TBC1D30: variants seen among roughly 807,000 people sequenced by gnomAD.
TBC1D30 encodes TBC1 domain family, member 30.
A neutral mutation model predicts 63.2 loss-of-function variants in TBC1D30; 31 were observed. That is an observed-to-expected ratio of 0.49 (90% CI 0.37 to 0.66). The LOEUF (loss-of-function observed/expected upper bound fraction) is 0.66. Ranked by LOEUF, TBC1D30 falls within the 30% of genes least tolerant of loss-of-function variation. The pLI is 0.00. For missense variants in TBC1D30, 810 were observed against 953.6 expected (o/e 0.85, Z 1.98); for synonymous variants, 307 against 361.5 (o/e 0.85, Z 1.71).
At chr12:64,810,292 C>T (rs1011598728) in intron 2 of TBC1D30, among the ~76,000 whole-genome samples, 1 of 152,124 alleles carries the variant, frequency 6.6e-6, no homozygotes, top group East Asian at 1.9e-4. Context: ...CTTACAGCAC[C>T]ATCTTTTTGC....
Position 64,878,621 on chromosome 12 carries a change from C to T in TBC1D30, c.*2833C>T. The T allele has an allele frequency of 2.2e-6, 1 of 446,710 alleles. No homozygotes were observed. Among genetic ancestry groups the T allele is most frequent in the Non-Finnish European group, 4.5e-6 (1 of 220,546 alleles). The allele number at this position is 446,710 out of a possible 1,614,324, so 27.7% of individuals were successfully genotyped here. A position where few individuals can be genotyped will look rare whatever the true frequency, so the allele number is the denominator to read the frequency against. ...TCACAAAGCTATATGCATAAAGATT[C>T]TCATTGTTGTAACTGTTCTGCCATT... is the stretch of plus-strand genomic sequence containing the variant. On this transcript the variant is annotated 3_prime_UTR_variant, in exon 12 of 12. Transcript: ENST00000539867.
chr12:64,830,159 A>G (rs888764826), intron 3 of TBC1D30, among the ~76,000 whole-genome samples: 4 of 152,226 alleles, frequency 2.6e-5, no homozygotes, highest in Non-Finnish European at 2.9e-5. Context: ...TGGGAACTCA[A>G]CAAATATTTA....
chr12:64,805,465 G>A (rs73325433), intron 2 of TBC1D30, among the ~76,000 whole-genome samples: 15 of 152,198 alleles, frequency 9.9e-5, no homozygotes, highest in African/African-American at 3.4e-4. Context: ...GATGCTACTG[G>A]GTTTTTCTGC....
chr12:64,838,966 A>C, intron 7 of TBC1D30, 115 bp downstream of exon 7: 1 of 1,077,702 alleles, frequency 9.3e-7, no homozygotes, highest in Non-Finnish European at 1.3e-6. Context: ...GAACTTTTAA[A>C]ATTGCTTTAG....
chr12:64,811,287 T>C (rs888355209), intron 2 of TBC1D30, among the ~76,000 whole-genome samples: 1 of 152,194 alleles, frequency 6.6e-6, no homozygotes, highest in African/African-American at 2.4e-5. Flanking sequence ...TTAACACAGA[T>C]AGTGATTATG....
At position 64,794,730 on chromosome 12, in the gene TBC1D30, C is replaced by T. The variant is rs1327421432; in HGVS notation, c.643+8685C>T. Among the ~76,000 whole-genome samples, 4 of 152,210 alleles carry T rather than the reference C, an allele frequency of 2.6e-5. No individual in the cohort carries two copies. In the East Asian group the frequency reaches 7.7e-4, roughly 29 times the overall value. ...CCAGGATTACAGGTGTGAGCCACTGCACCTGGCTGTAACGTTTTCTCTCTT... is the reference window on the plus strand; with the variant it reads ...CCAGGATTACAGGTGTGAGCCACTGTACCTGGCTGTAACGTTTTCTCTCTT... On this transcript the variant is annotated intron_variant, in intron 2 of 12. Transcript: ENST00000542120.
chr12:64,801,172 A>G (rs1872567907), intron 2 of TBC1D30, among the ~76,000 whole-genome samples: 1 of 152,160 alleles, frequency 6.6e-6, no homozygotes, highest in Admixed American at 6.5e-5. Context: ...CATTAGACAT[A>G]GATTTTCTGG....
intron 10 of TBC1D30, chr12:64,868,516 T>C: frequency 7.4e-6 from 2 of 269,362 alleles, no homozygotes; most frequent in Non-Finnish European, 1.4e-5. Flanking sequence ...TTCATCTGCC[T>C]GTATTCCTTG....
chr12:64,861,652 A>G (rs1877801767), intron 8 of TBC1D30, among the ~76,000 whole-genome samples: 1 of 152,168 alleles, frequency 6.6e-6, no homozygotes, highest in South Asian at 2.1e-4. Context: ...TAGGGTAAAG[A>G]AACTGGAGGA....
rs1009882977 is a variant in TBC1D30, at chr12:64,875,498, G to A, written c.1996G>A (p.Ala666Thr). The A allele has an allele frequency of 2.0e-6, 3 of 1,536,062 alleles. No homozygotes were observed. Among genetic ancestry groups the A allele is most frequent in the African/African-American group, 1.4e-5 (1 of 73,026 alleles). The change falls in exon 12 of 12, where the codon GCT becomes ACT. Residue 666 changes from alanine (A) to threonine (T), a missense_variant. By Grantham distance (58) the Ala-to-Thr change is moderately conservative. Transcript: ENST00000539867. Reference protein sequence around the residue: ...LGALELNQRDAAAETELRVHP... With the variant: ...LGALELNQRDTAAETELRVHP... ...AGCCCTGGAACTGAACCAGAGGGATGCTGCAGCTGAAACTGAGCTCAGGGT... is the reference window on the plus strand; with the variant it reads ...AGCCCTGGAACTGAACCAGAGGGATACTGCAGCTGAAACTGAGCTCAGGGT...
chr12:64,800,684 GGAGAGA>G (rs1872546473), intron 2 of TBC1D30, among the ~76,000 whole-genome samples: 2 of 152,156 alleles, frequency 1.3e-5, no homozygotes, highest in African/African-American at 2.4e-5. Context: ...CAGAACCCTG[GGAGAGA>G]GAAGAGCCAA....
intron 7 of TBC1D30, among the ~76,000 whole-genome samples, chr12:64,841,082 T>C (rs550567951): frequency 6.6e-6 from 1 of 152,334 alleles, no homozygotes; most frequent in Admixed American, 6.5e-5. Flanking sequence ...AGCCAGTGAA[T>C]AGCAGAACTG....
Position 64,878,153 on chromosome 12 carries a change from C to G in TBC1D30, c.*2365C>G, listed in dbSNP as rs964370377. 1 of 212,406 alleles carries G rather than the reference C, an allele frequency of 4.7e-6. No individual in the cohort carries two copies. The highest frequency in any genetic ancestry group is 2.3e-5 in the African/African-American group (1 of 44,188). 13.2% of individuals were successfully genotyped at this position (212,406 alleles called of 1,614,324 possible). ...TCCTCTGAGGTAAAAATGGCCTTGT[C>G]AGAATTTTGAAAATCCAACAGATTC... is the stretch of plus-strand genomic sequence containing the variant. On this transcript the variant is annotated 3_prime_UTR_variant, in exon 12 of 12. Coordinates refer to ENST00000539867, the MANE Select transcript of TBC1D30 (RefSeq NM_015279.2).
At chr12:64,842,779 TG>T (rs1425308203) in intron 7 of TBC1D30, among the ~76,000 whole-genome samples, 1 of 152,020 alleles carries the variant, frequency 6.6e-6, no homozygotes. Flanking sequence ...TTCTAACGAG[TG>T]GTGGGAATTC....
rs1879223751 is a variant in TBC1D30, at chr12:64,878,225, G to A, written c.*2437G>A. 1 of 310,156 alleles carries A rather than the reference G, an allele frequency of 3.2e-6. No individual in the cohort carries two copies. The highest frequency in any genetic ancestry group is 6.4e-6 in the Non-Finnish European group (1 of 155,332). The allele number at this position is 310,156 out of a possible 1,614,324, so 19.2% of individuals were successfully genotyped here. A position where few individuals can be genotyped will look rare whatever the true frequency, so the allele number is the denominator to read the frequency against. ...CAATAACATGCATGCATTGTACCAA[G>A]TAATCACAATGTGAATTGGTCAATT... On this transcript the variant is annotated 3_prime_UTR_variant, in exon 12 of 12. Transcript: ENST00000539867.
upstream of TBC1D30, among the ~76,000 whole-genome samples, chr12:64,778,031 G>C (rs1375562379): frequency 5.9e-5 from 9 of 152,174 alleles, no homozygotes; most frequent in Non-Finnish European, 2.9e-5. Flanking sequence ...TGAAGTGCTG[G>C]TATTACAGGC....
chr12:64,871,588 G>C lies in TBC1D30; in HGVS notation c.1498+780G>C, dbSNP rs375263303. Among the ~76,000 whole-genome samples, 8 of 152,218 alleles carry C rather than the reference G, an allele frequency of 5.3e-5. No homozygotes were observed. In the East Asian group the frequency reaches 1.2e-3, roughly 22 times the overall value. ...ACCTTCCATTTATCAGAGAAGAATA[G>C]TTGACTTCTTGATGATTCTCACTTT... On this transcript the variant is annotated intron_variant, in intron 11 of 11. Transcript: ENST00000539867.
intron 1 of TBC1D30, among the ~76,000 whole-genome samples, chr12:64,763,223 T>C (rs1480887335): frequency 1.3e-5 from 2 of 152,264 alleles, no homozygotes; most frequent in African/African-American, 2.4e-5. Flanking sequence ...CCCAAAGTGC[T>C]GGGATTATAG....
chr12:64,823,691 T>C (rs890835498), upstream of TBC1D30, among the ~76,000 whole-genome samples: 11 of 152,316 alleles, frequency 7.2e-5, no homozygotes, highest in African/African-American at 2.2e-4. Flanking sequence ...GGTCTCGCTA[T>C]GTTGCCCAAG....
Sources: gnomAD v4.1 joint callset for allele counts (sites outside exome capture counted in the v4.1 genomes callset) on GRCh38, gnomAD v4.1.1 for gene constraint, MANE v1.5 for transcripts, NCBI Gene and HGNC (gene_info 2026-07-23, HGNC 2026-07-21) for gene names.